PTCRA: variants seen among roughly 807,000 people sequenced by gnomAD.
PTCRA encodes the protein pre T-cell antigen receptor alpha.
In PTCRA, 9 loss-of-function variants were observed where a neutral mutation model predicts 13.4. That is an observed-to-expected ratio of 0.67 (90% CI 0.41 to 1.18). The LOEUF is 1.18. PTCRA is among the 50% of genes most tolerant of loss of function. The probability of loss-of-function intolerance (pLI) is 0.01; values close to 1 mark genes in which losing one functional copy is unlikely to be tolerated. For missense variants in PTCRA, 353 were observed against 359.8 expected (o/e 0.98, Z 0.15); for synonymous variants, 153 against 161.9 (o/e 0.94, Z 0.42).
rs763502269 is a variant in PTCRA, at chr6:42,924,409, C to G, written c.424+136C>G. 9.3e-6 allele frequency: 7 copies of G among 753,664 alleles called. No homozygotes were observed. In the African/African-American group the frequency reaches 1.2e-4, roughly 13 times the overall value. The allele number at this position is 753,664 out of a possible 1,614,324, so 46.7% of individuals were successfully genotyped here. On this transcript the variant is annotated intron_variant, in intron 3 of 3. Transcript: ENST00000304672. ...GGTGTCCCATGTAGAGGCTGTCATG[C>G]TAGGTTGGGGCACTGGCTAGCATGG...
rs1767381518 is a variant in PTCRA, at chr6:42,925,377, TC to T, written c.546del (p.Ala183GlnfsTer112). The T allele has an allele frequency of 3.2e-6, 5 of 1,554,574 alleles. No homozygotes were observed. Among genetic ancestry groups the T allele is most frequent in the Admixed American group, 1.9e-5 (1 of 51,664 alleles). Reference protein sequence around the residue: ...CLCDPAGPLPSPATTTRLRAL... With the variant: ...CLCDPAGPLPXPATTTRLRAL... ...GTGCGACCCCGCGGGCCCGCTGCCT[TC>T]CCCCGCAACCACCACCCGCCTGCGA... On this transcript the variant is annotated frameshift_variant, in exon 4 of 4. Transcript: ENST00000304672. LOFTEE classifies it low-confidence loss of function (END_TRUNC). The surrounding 1 kb of genome is among the most constrained non-coding windows in gnomAD (Gnocchi z 4.4).
At chr6:42,918,690 A>G (rs1263596693) in intron 1 of PTCRA, among the ~76,000 whole-genome samples, 1 of 152,136 alleles carries the variant, frequency 6.6e-6, no homozygotes, top group Admixed American at 6.6e-5. Flanking sequence ...AATCTTAGTC[A>G]TCCTTCAAAG....
intron 3 of PTCRA, 121 bp downstream of exon 3, chr6:42,924,394 G>A: frequency 1.2e-6 from 1 of 803,530 alleles, no homozygotes; most frequent in East Asian, 2.7e-5. Context: ...GGTGTCCCAT[G>A]TAGAGGCTGT....
At chr6:42,917,540 ATT>A (rs1418821939) in intron 1 of PTCRA, among the ~76,000 whole-genome samples, 2 of 136,958 alleles carry the variant, frequency 1.5e-5, no homozygotes, top group East Asian at 2.0e-4. Context: ...TATTATTATT[ATT>A]ATTATTATTA....
At position 42,923,353 on chromosome 6, in the gene PTCRA, G is replaced by T; in HGVS notation, c.379+6G>T. 6.2e-7 allele frequency: 1 copy of T among 1,613,404 alleles called. No homozygotes were observed. The highest frequency in any genetic ancestry group is 2.2e-5 in the East Asian group (1 of 44,882). ...ACAGCCCATGCATCTGTCAGGTGGG[G>T]ATGGAGCCTGGGCCCTTGCGGATGC... is the stretch of plus-strand genomic sequence containing the variant. On this transcript the variant is annotated splice_donor_region_variant and intron_variant, in intron 2 of 3. Coordinates refer to ENST00000304672, the MANE Select transcript of PTCRA (RefSeq NM_138296.3).
At position 42,924,259 on chromosome 6, in the gene PTCRA, AG is replaced by A; in HGVS notation, c.412del (p.Glu138SerfsTer30). 6.2e-7 allele frequency: 1 copy of A among 1,612,158 alleles called. No homozygotes were observed. The highest frequency in any genetic ancestry group is 8.5e-7 in the Non-Finnish European group (1 of 1,179,308). ...GEASTARTCP[Q>X]EPLRGTPGGA... Reference sequence around the variant, plus strand: ...GCTTCTACAGCCAGGACCTGCCCCCAGGAGCCTCTCAGGGGTGAGTACTCCG... The same window carrying A: ...GCTTCTACAGCCAGGACCTGCCCCCAGAGCCTCTCAGGGGTGAGTACTCCG... On this transcript the variant is annotated frameshift_variant, in exon 3 of 4. Coordinates refer to ENST00000304672, the MANE Select transcript of PTCRA (RefSeq NM_138296.3). LOFTEE classifies it low-confidence loss of function (END_TRUNC).
At chr6:42,922,736 T>C (rs1387505275) in intron 1 of PTCRA, among the ~76,000 whole-genome samples, 1 of 131,000 alleles carries the variant, frequency 7.6e-6, no homozygotes, top group Non-Finnish European at 1.6e-5. Context: ...CAAAATTCCA[T>C]CTCAAAAAAA....
intron 1 of PTCRA, among the ~76,000 whole-genome samples, chr6:42,921,495 G>C (rs1767160561): frequency 7.2e-6 from 1 of 138,814 alleles, no homozygotes; most frequent in African/African-American, 2.8e-5. Flanking sequence ...TAGGCTCACT[G>C]CAACTTCCGC....
At chr6:42,917,333 C>A (rs1002210340) in intron 1 of PTCRA, among the ~76,000 whole-genome samples, 6 of 148,742 alleles carry the variant, frequency 4.0e-5, no homozygotes, top group Non-Finnish European at 8.9e-5. Flanking sequence ...CTTGATTCTC[C>A]TGCCTCAGCC....
intron 1 of PTCRA, 86 bp downstream of exon 1, chr6:42,916,213 G>A: frequency 7.7e-7 from 1 of 1,304,330 alleles, no homozygotes; most frequent in South Asian, 1.2e-5. Context: ...GGGTACTGAT[G>A]GGCTGCAGGG....
chr6:42,922,769 T>C (rs1383566429), intron 1 of PTCRA, among the ~76,000 whole-genome samples: 4 of 147,198 alleles, frequency 2.7e-5, no homozygotes, highest in Non-Finnish European at 6.0e-5. Flanking sequence ...AAAGAATACA[T>C]GGAGGATAGA....
At chr6:42,920,830 C>G (rs1767119691) in intron 1 of PTCRA, among the ~76,000 whole-genome samples, 1 of 140,138 alleles carries the variant, frequency 7.1e-6, no homozygotes, top group East Asian at 2.1e-4. Flanking sequence ...TTTTTTTTCA[C>G]TCTGTCACCC....
intron 2 of PTCRA, 82 bp downstream of exon 2, chr6:42,923,429 C>T (rs1767286786): frequency 2.2e-6 from 3 of 1,382,688 alleles, no homozygotes; most frequent in Non-Finnish European, 3.0e-6. Flanking sequence ...GGGCAGGCTC[C>T]AGGCCACAAA....
Position 42,925,818 on chromosome 6 carries a change from G to A in PTCRA, c.*136G>A. ...GCAGATGACTGAGAACATTAAAAAA[G>A]AACTTAAATGACACAGCAAATGAAA... On this transcript the variant is annotated 3_prime_UTR_variant, in exon 4 of 4. Transcript: ENST00000304672. This position sits in a 1 kb window ranked among gnomAD's most constrained non-coding sequence, Gnocchi z 4.4. 2.0e-6 allele frequency: 1 copy of A among 503,634 alleles called. No homozygotes were observed. Among genetic ancestry groups the A allele is most frequent in the Non-Finnish European group, 3.4e-6 (1 of 291,154 alleles). 31.2% of individuals were successfully genotyped at this position (503,634 alleles called of 1,614,324 possible).
chr6:42,916,576 T>C (rs1427491270), intron 1 of PTCRA, among the ~76,000 whole-genome samples: 1 of 152,146 alleles, frequency 6.6e-6, no homozygotes. Flanking sequence ...CCTAGTTCAA[T>C]AGGACTCAGG....
chr6:42,922,973 GGCCTGGGAGGCCAAAAGCT>G (rs1767257767), intron 1 of PTCRA, 35 bp from the exon 2 acceptor site: 1 of 1,548,086 alleles, frequency 6.5e-7, no homozygotes. Context: ...ACACAATGCT[GGCCTGGGAGGCCAAAAGCT>G]GGTCTAGCAC....
chr6:42,923,490 C>A, intron 2 of PTCRA, 143 bp downstream of exon 2: 3 of 774,092 alleles, frequency 3.9e-6, no homozygotes, highest in Non-Finnish European at 4.1e-6. Flanking sequence ...GACACCTGGG[C>A]TCAGGGGAGA....
Position 42,923,036 on chromosome 6 carries a change from G to A in PTCRA, c.68G>A (p.Gly23Asp), listed in dbSNP as rs1767261094. Reference sequence around the variant, plus strand: ...ACATGCTCTCTTGCAGGTGTGGGCGGCACACCCTTTCCTTCTCTGGCCCCA... The same window carrying A: ...ACATGCTCTCTTGCAGGTGTGGGCGACACACCCTTTCCTTCTCTGGCCCCA... ...GCPALPTGVG[G>D]TPFPSLAPPI... The change falls in exon 2 of 4, where the codon GGC becomes GAC. Residue 23 changes from glycine to aspartate, a missense_variant. Coordinates refer to ENST00000304672, the MANE Select transcript of PTCRA (RefSeq NM_138296.3). The A allele has an allele frequency of 1.2e-6, 2 of 1,614,152 alleles. No individual in the cohort carries two copies. The highest frequency in any genetic ancestry group is 1.3e-5 in the African/African-American group (1 of 75,060).
rs368573599 is a variant in PTCRA, at chr6:42,925,599, T to A, written c.763T>A (p.Ser255Thr). Residue 255 changes from serine (S) to threonine (T), a missense_variant, in exon 4 of 4, where the codon TCT (serine) becomes ACT (threonine). Transcript: ENST00000304672. This position sits in a 1 kb window ranked among gnomAD's most constrained non-coding sequence, Gnocchi z 4.4. Reference sequence around the variant, plus strand: ...CCCAGCACAGGCCTGGTGCTCAAGATCTGCCCTCAGGGCTCCTTCCTCCAG... The same window carrying A: ...CCCAGCACAGGCCTGGTGCTCAAGAACTGCCCTCAGGGCTCCTTCCTCCAG... ...TCPAQAWCSR[S>T]ALRAPSSSLG... is the part of the protein sequence containing the mutation. The A allele has an allele frequency of 8.8e-6, 14 of 1,597,916 alleles. No homozygotes were observed. Among genetic ancestry groups the A allele is most frequent in the African/African-American group, 1.3e-5 (1 of 74,700 alleles).
Sources: gnomAD v4.1 joint callset for allele counts (sites outside exome capture counted in the v4.1 genomes callset) on GRCh38, gnomAD v4.1.1 for gene constraint, Gnocchi (gnomAD v3.1) non-coding constraint, MANE v1.5 for transcripts, NCBI Gene and HGNC (gene_info 2026-07-23, HGNC 2026-07-21) for gene names.